Variants in CELSR2 observed in about 807,000 individuals in gnomAD.
The protein encoded by CELSR2 is cadherin EGF LAG seven-pass G-type receptor 2, also known as EGF-like protein 2.
In CELSR2, 81 loss-of-function variants were observed where a neutral mutation model predicts 251.6. The observed-to-expected ratio is 0.32, with a 90% CI of 0.27 to 0.39. The LOEUF (loss-of-function observed/expected upper bound fraction) is 0.39, where lower values mean the gene tolerates loss of function less well. Among genes scored for constraint, CELSR2 ranks in the 10% least tolerant of loss-of-function variants. The pLI is 1.00. For missense variants in CELSR2, 3,365 were observed against 3,947.7 expected (o/e 0.85, Z 3.96); for synonymous variants, 1,721 against 1,670.5 (o/e 1.03, Z -0.74).
Position 109,250,914 on chromosome 1 carries a change from G to A in CELSR2, c.835G>A (p.Val279Ile). Reference protein sequence around the residue: ...RSALATLTILVTDTNDHDPVF... With the variant: ...RSALATLTILITDTNDHDPVF... The stretch of plus-strand genomic sequence containing the variant: ...TGCCCTGGCTACACTCACCATCTTG[G>A]TTACTGACACCAATGACCATGACCC... The change falls in exon 1 of 34, where the codon GTT (valine) becomes ATT (isoleucine). Residue 279 changes from valine (V) to isoleucine (I), a missense_variant. Physicochemically the swap from Val to Ile is conservative, Grantham distance 29. Around this residue, in one of 5 missense-constraint regions of CELSR2, gnomAD observed 704 missense variants for 784.1 expected, o/e 0.90. Coordinates refer to ENST00000271332, the MANE Select transcript of CELSR2 (RefSeq NM_001408.3). This position sits in a 1 kb window ranked among gnomAD's most constrained non-coding sequence, Gnocchi z 4.4. 6.2e-7 allele frequency: 1 copy of A among 1,613,908 alleles called. No individual in the cohort carries two copies. Among genetic ancestry groups the A allele is most frequent in the Non-Finnish European group, 8.5e-7 (1 of 1,180,042 alleles).
chr1:109,254,196 G>C (rs2101237654), intron 1 of CELSR2, among the ~76,000 whole-genome samples: 1 of 152,364 alleles, frequency 6.6e-6, no homozygotes, highest in East Asian at 1.9e-4. Context: ...TTTCCTGCTA[G>C]CTGTGACCAG....
At position 109,250,862 on chromosome 1, in the gene CELSR2, G is replaced by A. The variant is rs756097455; in HGVS notation, c.783G>A (p.Ala261=). Residue 261 remains alanine, a synonymous_variant, in exon 1 of 34, where the codon GCG becomes GCA. Transcript: ENST00000271332. This position sits in a 1 kb window ranked among gnomAD's most constrained non-coding sequence, Gnocchi z 4.4. ...GCACCCACGTCTTCAGGGTCACGGC[G>A]CAGGACCACGGCATGCCCCGACGAA... ...TKSTHVFRVT[A]QDHGMPRRSA... is the part of the protein sequence containing the mutation. The A allele has an allele frequency of 8.7e-6, 14 of 1,613,892 alleles. No individual in the cohort carries two copies. The highest frequency in any genetic ancestry group is 5.0e-5 in the Admixed American group (3 of 60,010).
In CELSR2 at chr1:109,263,131, C is replaced by G. The variant is rs761742554; in HGVS notation, c.4709-11C>G. ...GCTCAGGTCCACTGAGCTGCCTTCT[C>G]TCCATTCCAGGCTGCCCTGCCAAGA... On this transcript the variant is annotated splice_polypyrimidine_tract_variant and intron_variant, in intron 7 of 33. Coordinates refer to ENST00000271332, the MANE Select transcript of CELSR2 (RefSeq NM_001408.3). 4 of 1,593,708 alleles carry G rather than the reference C, an allele frequency of 2.5e-6. No homozygotes were observed. The South Asian group carries it at 4.4e-5, about 18-fold the overall frequency.
chr1:109,265,024 G>C lies in CELSR2; in HGVS notation c.5606+15G>C. On this transcript the variant is annotated intron_variant, in intron 12 of 33. Transcript: ENST00000271332. ...TGTGAGACCAGGTAAGCAGACCAGGGCATGTGGCAGCAGGTCCCAGTGGCT... is the reference window on the plus strand; with the variant it reads ...TGTGAGACCAGGTAAGCAGACCAGGCCATGTGGCAGCAGGTCCCAGTGGCT... The C allele has an allele frequency of 6.2e-7, 1 of 1,614,002 alleles. No individual in the cohort carries two copies. Among genetic ancestry groups the C allele is most frequent in the Non-Finnish European group, 8.5e-7 (1 of 1,179,880 alleles).
intron 9 of CELSR2, 53 bp from the exon 10 acceptor site, chr1:109,264,025 G>C: frequency 6.6e-7 from 1 of 1,524,572 alleles, no homozygotes; most frequent in South Asian, 1.3e-5. Flanking sequence ...GTGAGCTGGA[G>C]AACAGTGATT....
rs1037932407 is a variant in CELSR2 at position 109,253,114 on chromosome 1, G to A, written c.3035G>A (p.Arg1012His). 16 of 1,613,788 alleles carry A rather than the reference G, an allele frequency of 9.9e-6. No individual in the cohort carries two copies. Among genetic ancestry groups the A allele is most frequent in the Non-Finnish European group, 1.2e-5 (14 of 1,180,038 alleles). Residue 1012 changes from arginine to histidine, a missense_variant, in exon 1 of 34, where the codon CGC (arginine) becomes CAC (histidine). By Grantham distance (29) the Arg-to-His change is conservative. Coordinates refer to ENST00000271332, the MANE Select transcript of CELSR2 (RefSeq NM_001408.3). ...GTGAGCCGGGCTACAGTCCACGTCCGCCTCCTTGACCGCAATGACAACCCA... is the reference window on the plus strand; with the variant it reads ...GTGAGCCGGGCTACAGTCCACGTCCACCTCCTTGACCGCAATGACAACCCA... Reference protein sequence around the residue: ...PLVSRATVHVRLLDRNDNPPV... With the variant: ...PLVSRATVHVHLLDRNDNPPV...
rs774846106 is a variant in CELSR2 at position 109,268,936 on chromosome 1, T to C, written c.6559T>C (p.Tyr2187His). 1.2e-6 allele frequency: 2 copies of C among 1,613,448 alleles called. No individual in the cohort carries two copies. The highest frequency in any genetic ancestry group is 1.3e-5 in the African/African-American group (1 of 75,004). Reference protein sequence around the residue: ...GNFAGAKLPRYEALRGEQPPD... With the variant: ...GNFAGAKLPRHEALRGEQPPD... ...CTTTGCTGGGGCCAAGCTGCCCCGCTACGAGGCCCTGCGTGGGGAGCAGCC... is the reference window on the plus strand; with the variant it reads ...CTTTGCTGGGGCCAAGCTGCCCCGCCACGAGGCCCTGCGTGGGGAGCAGCC... Residue 2187 changes from tyrosine to histidine, a missense_variant, in exon 19 of 34, where the codon TAC becomes CAC. Coordinates refer to ENST00000271332, the MANE Select transcript of CELSR2 (RefSeq NM_001408.3).
Position 109,269,860 on chromosome 1 carries a change from A to G in CELSR2, c.7107+40A>G, listed in dbSNP as rs536102124. 6.2e-7 allele frequency: 1 copy of G among 1,613,028 alleles called. No individual in the cohort carries two copies. The highest frequency in any genetic ancestry group is 1.3e-5 in the African/African-American group (1 of 74,968). On this transcript the variant is annotated intron_variant, in intron 22 of 33. Transcript: ENST00000271332. This position sits in a 1 kb window ranked among gnomAD's most constrained non-coding sequence, Gnocchi z 6.4. ...GGCAGCTGCAGAGCCGTGGGTGGGC[A>G]CCCAGGGCACGGGGCTGGGTGCTCA...
In CELSR2 at chr1:109,250,695, A is replaced by G. The variant is rs749006210; in HGVS notation, c.616A>G (p.Ile206Val). The G allele has an allele frequency of 6.2e-7, 1 of 1,614,068 alleles. No individual in the cohort carries two copies. The highest frequency in any genetic ancestry group is 1.7e-5 in the Admixed American group (1 of 60,024). ...AGTPVASLRAIDPDEGEAGRL... is the reference protein window; with the variant it reads ...AGTPVASLRAVDPDEGEAGRL... Reference sequence around the variant, plus strand: ...CACCCCTGTTGCATCCCTGAGGGCCATCGACCCGGACGAGGGTGAGGCAGG... The same window carrying G: ...CACCCCTGTTGCATCCCTGAGGGCCGTCGACCCGGACGAGGGTGAGGCAGG... Residue 206 changes from isoleucine (I) to valine (V), a missense_variant, in exon 1 of 34, where the codon ATC becomes GTC. By Grantham distance (29) the Ile-to-Val change is conservative (BLOSUM62 3). Coordinates refer to ENST00000271332, the MANE Select transcript of CELSR2 (RefSeq NM_001408.3). The surrounding 1 kb of genome is among the most constrained non-coding windows in gnomAD (Gnocchi z 4.4).
In CELSR2 at chr1:109,261,313, A is replaced by G; in HGVS notation, c.4181+49A>G. 2 of 1,556,122 alleles carry G rather than the reference A, an allele frequency of 1.3e-6. No homozygotes were observed. The highest frequency in any genetic ancestry group is 4.5e-5 in the East Asian group (2 of 44,502). Reference sequence around the variant, plus strand: ...GGGGAGTGGGCCTGGTGGGCATCTGAGGTGCCTCCTGTTCTGTGGTTGAAG... The same window carrying G: ...GGGGAGTGGGCCTGGTGGGCATCTGGGGTGCCTCCTGTTCTGTGGTTGAAG... On this transcript the variant is annotated intron_variant, in intron 3 of 33. Transcript: ENST00000271332. The surrounding 1 kb of genome is among the most constrained non-coding windows in gnomAD (Gnocchi z 4.8).
At chr1:109,262,767 C>T (rs1656054663) in intron 6 of CELSR2, 39 bp from the exon 7 acceptor site, 1 of 1,598,806 alleles carries the variant, frequency 6.3e-7, no homozygotes, top group Non-Finnish European at 8.5e-7. Context: ...CAGAAGCTCC[C>T]AGCCCTCCCT....
chr1:109,252,731 G>T lies in CELSR2; in HGVS notation c.2652G>T (p.Val884=). 6.2e-7 allele frequency: 1 copy of T among 1,614,020 alleles called. No individual in the cohort carries two copies. The highest frequency in any genetic ancestry group is 8.5e-7 in the Non-Finnish European group (1 of 1,180,028). The change falls in exon 1 of 34, where the codon GTG becomes GTT. Residue 884 remains valine (V), a synonymous_variant. Transcript: ENST00000271332. The surrounding 1 kb of genome is among the most constrained non-coding windows in gnomAD (Gnocchi z 4.8). ...RTLRRLDREN[V]AQYVLRAYAV... is the part of the protein sequence containing the mutation. Reference sequence around the variant, plus strand: ...TACGGAGGCTGGATCGAGAGAACGTGGCCCAGTATGTCTTGCGGGCATATG... The same window carrying T: ...TACGGAGGCTGGATCGAGAGAACGTTGCCCAGTATGTCTTGCGGGCATATG...
At chr1:109,265,152 G>T in intron 12 of CELSR2, 39 bp from the exon 13 acceptor site, 1 of 1,576,384 alleles carries the variant, frequency 6.3e-7, no homozygotes. Context: ...GGTGGGAGTG[G>T]CAGGGGGAGC....
At position 109,250,239 on chromosome 1, in the gene CELSR2, A is replaced by T; in HGVS notation, c.160A>T (p.Met54Leu). The change falls in exon 1 of 34, where the codon ATG (methionine) becomes TTG (leucine). Residue 54 changes from methionine to leucine, a missense_variant. By Grantham distance (15) the Met-to-Leu change is conservative (BLOSUM62 2). Transcript: ENST00000271332. The surrounding 1 kb of genome is among the most constrained non-coding windows in gnomAD (Gnocchi z 4.4). ...GRGSSGACAP[M>L]GWLCPSSASN... ...AGGCTCTTCGGGGGCCTGCGCCCCC[A>T]TGGGCTGGCTCTGTCCATCCTCAGC... The T allele has an allele frequency of 6.2e-7, 1 of 1,608,508 alleles. No individual in the cohort carries two copies. The highest frequency in any genetic ancestry group is 8.5e-7 in the Non-Finnish European group (1 of 1,177,556).
At chr1:109,255,404 G>T (rs1410110389) in intron 1 of CELSR2, among the ~76,000 whole-genome samples, 1 of 152,142 alleles carries the variant, frequency 6.6e-6, no homozygotes, top group Non-Finnish European at 1.5e-5. Flanking sequence ...CCGTGTTTGT[G>T]CCTCCACTCT....
chr1:109,260,901 G>A (rs977343483), intron 2 of CELSR2, 141 bp from the exon 3 acceptor site: 3 of 635,076 alleles, frequency 4.7e-6, no homozygotes, highest in Non-Finnish European at 8.2e-6. Flanking sequence ...GCACACGAGA[G>A]GAAGTGGGGA....
chr1:109,273,203 A>G lies in CELSR2; in HGVS notation c.8376A>G (p.Gly2792=), dbSNP rs1656423107. 2.0e-5 allele frequency: 33 copies of G among 1,613,544 alleles called. No homozygotes were observed. Among genetic ancestry groups the G allele is most frequent in the Non-Finnish European group, 2.8e-5 (33 of 1,179,842 alleles). ...GPGPGKAPWP[G]DFGTTAKESS... ...GGCCTGGCAAGGCCCCCTGGCCAGG[A>G]GACTTTGGGACCACAGCAAAAGAGA... Residue 2792 remains glycine, a synonymous_variant, in exon 32 of 34, where the codon GGA becomes GGG. Transcript: ENST00000271332.
chr1:109,271,117 C>A, intron 25 of CELSR2, 78 bp downstream of exon 25: 1 of 1,524,286 alleles, frequency 6.6e-7, no homozygotes, highest in Non-Finnish European at 9.1e-7. Flanking sequence ...CGCGTGTCCT[C>A]AGGACTCCCT....
rs765150275 is a variant in CELSR2, at chr1:109,258,640, C to T, written c.3519C>T (p.Thr1173=). 1.3e-6 allele frequency: 2 copies of T among 1,554,340 alleles called. No individual in the cohort carries two copies. Among genetic ancestry groups the T allele is most frequent in the African/African-American group, 1.4e-5 (1 of 73,252 alleles). The change falls in exon 2 of 34, where the codon ACC becomes ACT. Residue 1173 remains threonine, a synonymous_variant. Transcript: ENST00000271332. ...HVVVFNVQRD[T]DAPGGHILNV... ...TGGTCTTCAACGTACAGCGGGACAC[C>T]GACGCCCCCGGGGGCCACATCCTCA... is the stretch of plus-strand genomic sequence containing the variant.
Sources: gnomAD v4.1 joint callset for allele counts (sites outside exome capture counted in the v4.1 genomes callset) on GRCh38, gnomAD v4.1.1 for gene constraint, gnomAD v4.1.1 regional missense constraint, Gnocchi (gnomAD v3.1) non-coding constraint, MANE v1.5 for transcripts, NCBI Gene and HGNC (gene_info 2026-07-23, HGNC 2026-07-21) for gene names.